LRRC9: variants seen among roughly 807,000 people sequenced by gnomAD.
LRRC9 encodes leucine rich repeat containing 9.
Under a neutral mutation model 63.2 loss-of-function variants are expected in LRRC9, and 122 were observed. The ratio of observed to expected loss-of-function variants is 1.93; its 90% CI spans 1.67 to 2.24. LRRC9 has a LOEUF of 2.24. Among genes scored for constraint, LRRC9 ranks in the 30% most tolerant of loss-of-function variants. The pLI, the probability that LRRC9 is intolerant of heterozygous loss-of-function variation, is 0.00. For missense variants in LRRC9, 1,071 were observed against 627.7 expected (o/e 1.71, Z -7.55); for synonymous variants, 366 against 213.1 (o/e 1.72, Z -6.25).
In LRRC9 at chr14:59,926,753, C is replaced by T. The variant is rs147176701; in HGVS notation, c.-33-1158C>T. On this transcript the variant is annotated intron_variant, in intron 1 of 31. Transcript: ENST00000445360. The stretch of plus-strand genomic sequence containing the variant: ...TCTTCTTTTGTTCAACATTTGTTTA[C>T]GTGAAACTCACTTATGTTGCAAATA... 1.6e-4 allele frequency among the ~76,000 whole-genome samples: 24 copies of T among 152,192 alleles called. No individual in the cohort carries two copies. The East Asian group carries it at 3.7e-3, about 23-fold the overall frequency.
chr14:59,985,921 T>G (rs1303941504), intron 17 of LRRC9, among the ~76,000 whole-genome samples: 4 of 152,146 alleles, frequency 2.6e-5, no homozygotes, highest in Non-Finnish European at 1.5e-5. Flanking sequence ...TAAAATGTAC[T>G]TTGGTGTAAT....
At chr14:60,019,612 G>A (rs1451619972) in intron 26 of LRRC9, among the ~76,000 whole-genome samples, 2 of 151,678 alleles carry the variant, frequency 1.3e-5, no homozygotes, top group African/African-American at 4.8e-5. Context: ...CACCCTGTAT[G>A]TACAATTTAG....
At position 59,937,282 on chromosome 14, in the gene LRRC9, G is replaced by GT. The variant is rs1048533554; in HGVS notation, c.544-1100dup. ...TAGCCTCTACTGCATATTCTTCTTTGTTTTTTTTGAATACTTAAAAAATGT... is the reference window on the plus strand; with the variant it reads ...TAGCCTCTACTGCATATTCTTCTTTGTTTTTTTTTGAATACTTAAAAAATGT... On this transcript the variant is annotated intron_variant, in intron 6 of 31. Coordinates refer to ENST00000445360, the Ensembl canonical transcript of LRRC9. 8.4e-5 allele frequency among the ~76,000 whole-genome samples: 12 copies of GT among 143,464 alleles called. No individual in the cohort carries two copies. In the East Asian group the frequency reaches 1.5e-3, roughly 18 times the overall value. 94.1% of individuals were successfully genotyped at this position (143,464 alleles called of 152,430 possible). A position where few individuals can be genotyped will look rare whatever the true frequency, so the allele number is the denominator to read the frequency against.
chr14:60,056,688 G>C (rs995734418), intron 30 of LRRC9, among the ~76,000 whole-genome samples: 1 of 151,844 alleles, frequency 6.6e-6, no homozygotes, highest in Non-Finnish European at 1.5e-5. Flanking sequence ...AAATAAAGGG[G>C]GTATTTCAAA....
At chr14:60,006,789 T>C (rs1889843994) in intron 22 of LRRC9, 172 bp downstream of exon 22, 2 of 465,026 alleles carry the variant, frequency 4.3e-6, no homozygotes, top group Admixed American at 4.1e-5. Flanking sequence ...TACAAAAATA[T>C]ATCTGTGTAT....
At chr14:59,945,873 T>C (rs1183350726) in intron 8 of LRRC9, among the ~76,000 whole-genome samples, 3 of 151,880 alleles carry the variant, frequency 2.0e-5, no homozygotes, top group Admixed American at 2.0e-4. Flanking sequence ...CAAATGTTAA[T>C]TAAGATAACA....
rs897889476 is a variant in LRRC9 at position 60,025,880 on chromosome 14, A to G, written c.3704-2004A>G. Among the ~76,000 whole-genome samples, 3 of 152,000 alleles carry G rather than the reference A, an allele frequency of 2.0e-5. No homozygotes were observed. In the East Asian group the frequency reaches 5.8e-4, roughly 29 times the overall value. The stretch of plus-strand genomic sequence containing the variant: ...GTGGTAAGAGGTGAATCCAAAAGGC[A>G]GTTTAAAAGGAATAAATATTAGGAC... On this transcript the variant is annotated intron_variant, in intron 27 of 31. Transcript: ENST00000445360.
intron 22 of LRRC9, 129 bp from the exon 23 acceptor site, chr14:60,007,963 G>A (rs939621696): frequency 6.7e-6 from 2 of 297,834 alleles, no homozygotes; most frequent in South Asian, 8.1e-5. Context: ...AAAAAAAAAA[G>A]TATACTTAAA....
At chr14:59,988,580 C>T (rs1035603836) in intron 17 of LRRC9, among the ~76,000 whole-genome samples, 2 of 152,060 alleles carry the variant, frequency 1.3e-5, no homozygotes, top group Non-Finnish European at 2.9e-5. Context: ...AATGACAGTA[C>T]TTATACTATT....
At chr14:59,947,432 A>G (rs1287416110) in intron 8 of LRRC9, among the ~76,000 whole-genome samples, 13 of 124,590 alleles carry the variant, frequency 1.0e-4, no homozygotes, top group East Asian at 2.8e-4. Context: ...AGTAGGTTGC[A>G]AAAATTTTCT....
intron 31 of LRRC9, among the ~76,000 whole-genome samples, chr14:60,061,254 AG>A (rs2140473447): frequency 6.6e-6 from 1 of 152,318 alleles, no homozygotes; most frequent in Admixed American, 6.5e-5. Context: ...CTTTCATGAA[AG>A]GAAGAGTTGA....
intron 18 of LRRC9, 31 bp from the exon 19 acceptor site, chr14:59,999,070 T>C (rs1889098132): frequency 1.6e-6 from 1 of 632,246 alleles, no homozygotes; most frequent in Non-Finnish European, 2.8e-6. Flanking sequence ...TTTAACAGTT[T>C]ATAAAAAATT....
chr14:60,064,784 CT>C (rs891871304), downstream of LRRC9, among the ~76,000 whole-genome samples: 142 of 152,138 alleles, frequency 9.3e-4, no homozygotes, highest in African/African-American at 3.1e-3. Context: ...GCATCATCTT[CT>C]TTTTTTCTTT....
At chr14:59,956,140 A>G (rs1883724992) in intron 8 of LRRC9, among the ~76,000 whole-genome samples, 1 of 152,086 alleles carries the variant, frequency 6.6e-6, no homozygotes, top group Non-Finnish European at 1.5e-5. Context: ...AGTTCTGTAA[A>G]TGCCTATTAT....
chr14:59,984,824 A>G (rs900285139), intron 16 of LRRC9, among the ~76,000 whole-genome samples: 3 of 152,240 alleles, frequency 2.0e-5, no homozygotes, highest in African/African-American at 7.2e-5. Flanking sequence ...TTTTCTAAAA[A>G]GAATTTCACG....
At chr14:59,995,575 T>C (rs1454033130) in intron 17 of LRRC9, among the ~76,000 whole-genome samples, 1 of 152,182 alleles carries the variant, frequency 6.6e-6, no homozygotes, top group Non-Finnish European at 1.5e-5. Flanking sequence ...ATTTTTAAAC[T>C]GAATCAAAAG....
At chr14:59,925,956 T>A (rs576174004) in intron 1 of LRRC9, among the ~76,000 whole-genome samples, 1 of 152,176 alleles carries the variant, frequency 6.6e-6, no homozygotes, top group Non-Finnish European at 1.5e-5. Context: ...TCTCACAAGA[T>A]CTGATGATTC....
chr14:60,021,567 G>A (rs1290542982), intron 26 of LRRC9, among the ~76,000 whole-genome samples: 1 of 151,740 alleles, frequency 6.6e-6, no homozygotes, highest in Admixed American at 6.6e-5. Context: ...CCTAACCTAA[G>A]GTCACAAAGA....
rs1273756814 is a variant in LRRC9 at position 59,932,431 on chromosome 14, G to A, written c.543+392G>A. On this transcript the variant is annotated intron_variant, in intron 6 of 31. Coordinates refer to ENST00000445360, the Ensembl canonical transcript of LRRC9. This position sits in a 1 kb window ranked among gnomAD's most constrained non-coding sequence, Gnocchi z 4.7. The stretch of plus-strand genomic sequence containing the variant: ...ATCATGCCTTAAGACTTTAAATACC[G>A]TTTATCTACCCTTTAAACTAGTACC... Among the ~76,000 whole-genome samples the A allele has an allele frequency of 3.9e-5, 6 of 152,046 alleles. No individual in the cohort carries two copies. The highest frequency in any genetic ancestry group is 1.9e-4 in the East Asian group (1 of 5,166).
Sources: gnomAD v4.1 joint callset for allele counts (sites outside exome capture counted in the v4.1 genomes callset) on GRCh38, gnomAD v4.1.1 for gene constraint, Gnocchi (gnomAD v3.1) non-coding constraint, MANE v1.5 for transcripts, NCBI Gene and HGNC (gene_info 2026-07-23, HGNC 2026-07-21) for gene names.